DNAJC2: variants seen among roughly 807,000 people sequenced by gnomAD.
The protein encoded by DNAJC2 is DnaJ heat shock protein family (Hsp40) member C2, also known as dnaJ homolog subfamily C member 2.
Under a neutral mutation model 94.0 loss-of-function variants are expected in DNAJC2, and 32 were observed. The ratio of observed to expected loss-of-function variants is 0.34; its 90% confidence interval spans 0.26 to 0.46. The LOEUF is 0.46. Ranked by LOEUF, DNAJC2 falls within the 20% of genes least tolerant of loss-of-function variation. The probability of loss-of-function intolerance (pLI) is 1.00; values close to 1 mark genes in which losing one functional copy is unlikely to be tolerated. For synonymous variants in DNAJC2, 210 were observed against 229.7 expected (o/e 0.91, Z 0.77); for missense variants, 550 against 719.5 (o/e 0.76, Z 2.69).
rs1818443931 is a variant in DNAJC2 at position 103,321,948 on chromosome 7, A to G, written c.1067T>C (p.Leu356Pro). The G allele has an allele frequency of 6.2e-7, 1 of 1,613,160 alleles. No individual in the cohort carries two copies. Among genetic ancestry groups the G allele is most frequent in the Non-Finnish European group, 8.5e-7 (1 of 1,179,514 alleles). The part of the protein sequence containing the change: ...KKAIKKERQK[L>P]RNSCKTWNHF... ...CTGATATACCTTGCATGAGTTTCGA[A>G]GTTTTTGCCTTTCCTTCTTAATGGC... The change falls in exon 10 of 17, where the codon CTT becomes CCT. Residue 356 changes from leucine (L) to proline (P), a missense_variant. By Grantham distance (98) the Leu-to-Pro change is moderately conservative (BLOSUM62 -3). Transcript: ENST00000379263.
chr7:103,324,725 G>A (rs908307728), intron 5 of DNAJC2, 163 bp from the exon 6 acceptor site: 2 of 634,230 alleles, frequency 3.2e-6, no homozygotes, highest in Non-Finnish European at 4.7e-6. Context: ...TCAGCAGTGG[G>A]GCATGAAACA....
At chr7:103,313,360 C>T (rs1817866997) in intron 15 of DNAJC2, 1 of 1,140,360 alleles carries the variant, frequency 8.8e-7, no homozygotes, top group African/African-American at 1.6e-5. Flanking sequence ...CTGTTTATCT[C>T]TTAAAAATCA....
intron 2 of DNAJC2, among the ~76,000 whole-genome samples, chr7:103,339,745 G>C (rs60006777): frequency 0.034 from 5,172 of 152,130 alleles, 275 homozygotes; most frequent in African/African-American, 0.12. Context: ...GGGATTATAA[G>C]CATGTGCCAC....
In DNAJC2 at chr7:103,341,961, T is replaced by C. The variant is rs1209346783; in HGVS notation, c.65-7A>G. ...ACTTGACAGAGTGTAGAGGCTGTGA[T>C]TGAAAGTGTTAAGAGAGGCTTCAGT... On this transcript the variant is annotated splice_polypyrimidine_tract_variant and splice_region_variant and intron_variant, in intron 1 of 16. Transcript: ENST00000379263. 6.4e-6 allele frequency: 10 copies of C among 1,558,870 alleles called. No individual in the cohort carries two copies. The highest frequency in any genetic ancestry group is 5.5e-5 in the African/African-American group (4 of 72,678).
At chr7:103,338,340 A>C (rs1819254397) in intron 2 of DNAJC2, among the ~76,000 whole-genome samples, 1 of 146,036 alleles carries the variant, frequency 6.8e-6, no homozygotes, top group Admixed American at 6.9e-5. Flanking sequence ...TCTGTTGCCC[A>C]GGCTGGAGTG....
chr7:103,313,812 C>T lies in DNAJC2; in HGVS notation c.1637-711G>A, dbSNP rs575750019. The T allele has an allele frequency of 9.2e-5, 91 of 985,262 alleles. No homozygotes were observed. In the South Asian group the frequency reaches 1.5e-3, roughly 16 times the overall value. The allele number at this position is 985,262 out of a possible 1,614,324, so 61.0% of individuals were successfully genotyped here. The stretch of plus-strand genomic sequence containing the variant: ...TTTCTTAAGGATGTTAAGTATTACA[C>T]AGTCCACTTGTGTAGGTAAAAGTAG... On this transcript the variant is annotated intron_variant, in intron 15 of 16. Transcript: ENST00000379263.
At chr7:103,314,020 A>G (rs1817906127) in intron 15 of DNAJC2, 1 of 985,302 alleles carries the variant, frequency 1.0e-6, no homozygotes, top group South Asian at 4.7e-5. Context: ...CCAATTAAAG[A>G]AGGAAAAACA....
At chr7:103,326,813 T>G (rs1326073533) in intron 4 of DNAJC2, 129 bp from the exon 5 acceptor site, 7 of 881,292 alleles carry the variant, frequency 7.9e-6, no homozygotes, top group Middle Eastern at 3.5e-4. Context: ...GTTTGCAGGT[T>G]GGGGAGGATT....
chr7:103,327,767 T>C lies in DNAJC2; in HGVS notation c.332-13A>G. 6.3e-7 allele frequency: 1 copy of C among 1,580,436 alleles called. No individual in the cohort carries two copies. Among genetic ancestry groups the C allele is most frequent in the South Asian group, 1.1e-5 (1 of 88,760 alleles). On this transcript the variant is annotated splice_polypyrimidine_tract_variant and intron_variant, in intron 3 of 16. Coordinates refer to ENST00000379263, the MANE Select transcript of DNAJC2 (RefSeq NM_014377.3). ...ACCATTGCTTTATCTACAAAACCAG[T>C]CAGATTGAGATAATTTGTCACTTTA...
intron 3 of DNAJC2, among the ~76,000 whole-genome samples, chr7:103,328,185 G>A (rs371707410): frequency 3.3e-5 from 5 of 151,248 alleles, no homozygotes; most frequent in South Asian, 2.1e-4. Flanking sequence ...GCCTCCGAAA[G>A]TGCTGGGATT....
intron 2 of DNAJC2, among the ~76,000 whole-genome samples, chr7:103,338,265 G>T (rs370089053): frequency 3.1e-5 from 4 of 130,332 alleles, no homozygotes; most frequent in African/African-American, 1.4e-4. Context: ...GCAAGACCCT[G>T]TCTTTTTTTT....
intron 2 of DNAJC2, among the ~76,000 whole-genome samples, chr7:103,341,345 G>C (rs1819366055): frequency 6.6e-6 from 1 of 152,174 alleles, no homozygotes; most frequent in African/African-American, 2.4e-5. Context: ...ACACAACAGA[G>C]TTTGGTCTAG....
chr7:103,338,139 G>A (rs985241033), intron 2 of DNAJC2, among the ~76,000 whole-genome samples: 3 of 151,970 alleles, frequency 2.0e-5, no homozygotes, highest in East Asian at 1.9e-4. Flanking sequence ...GTGTGGTGGT[G>A]TGCACCTGTA....
Position 103,322,714 on chromosome 7 carries a change from C to A in DNAJC2, c.800G>T (p.Arg267Ile). Reference protein sequence around the residue: ...QRKKEEMNRIRTLVDNAYSCD... With the variant: ...QRKKEEMNRIITLVDNAYSCD... ...TCAATTCTACTTACCAACTAATGTT[C>A]TTATTCTGTTCATTTCTTCTTTTTT... Residue 267 changes from arginine to isoleucine, a missense_variant, in exon 8 of 17, where the codon AGA becomes ATA. Arg to Ile is a moderately conservative substitution (Grantham distance 97). Coordinates refer to ENST00000379263, the MANE Select transcript of DNAJC2 (RefSeq NM_014377.3). 1 of 1,612,348 alleles carries A rather than the reference C, an allele frequency of 6.2e-7. No individual in the cohort carries two copies. The highest frequency in any genetic ancestry group is 8.5e-7 in the Non-Finnish European group (1 of 1,179,716).
intron 2 of DNAJC2, among the ~76,000 whole-genome samples, chr7:103,338,454 G>A (rs1467775251): frequency 1.3e-5 from 2 of 151,230 alleles, no homozygotes; most frequent in East Asian, 2.0e-4. Flanking sequence ...ACACCACCAC[G>A]CCTGGCTAAT....
chr7:103,325,797 G>A (rs775819559), intron 5 of DNAJC2, among the ~76,000 whole-genome samples: 1 of 152,118 alleles, frequency 6.6e-6, no homozygotes, highest in Admixed American at 6.5e-5. Flanking sequence ...TGCTTTAATC[G>A]TAACTATAAA....
chr7:103,330,387 A>G (rs2115977477), intron 3 of DNAJC2, among the ~76,000 whole-genome samples: 1 of 152,194 alleles, frequency 6.6e-6, no homozygotes, highest in East Asian at 1.9e-4. Flanking sequence ...TCCCCGGCTC[A>G]GGTGATCCTC....
Position 103,313,029 on chromosome 7 carries a change from G to T in DNAJC2, c.1709C>A (p.Pro570Gln), listed in dbSNP as rs761601201. The change falls in exon 16 of 17, where the codon CCA becomes CAA. Residue 570 changes from proline to glutamine, a missense_variant. Physicochemically the swap from Pro to Gln is moderately conservative, Grantham distance 76. Coordinates refer to ENST00000379263, the MANE Select transcript of DNAJC2 (RefSeq NM_014377.3). ...KLLEQALKTY[P>Q]VNTPERWEKI... Reference sequence around the variant, plus strand: ...TTCCCATCTTTCAGGTGTATTTACTGGGTATGTTTTCAAAGCTTGTTCCAA... The same window carrying T: ...TTCCCATCTTTCAGGTGTATTTACTTGGTATGTTTTCAAAGCTTGTTCCAA... 5.6e-6 allele frequency: 9 copies of T among 1,613,964 alleles called. No homozygotes were observed. The Admixed American group carries it at 1.5e-4, about 27-fold the overall frequency.
Position 103,319,556 on chromosome 7 carries a change from C to A in DNAJC2, c.1242+53G>T. On this transcript the variant is annotated intron_variant, in intron 12 of 16. Coordinates refer to ENST00000379263, the MANE Select transcript of DNAJC2 (RefSeq NM_014377.3). ...TTATATATTAGGTGAAGAAACAGGT[C>A]AAAGCAGAATTAAATGCTACATATA... is the stretch of plus-strand genomic sequence containing the variant. 5 of 1,555,240 alleles carry A rather than the reference C, an allele frequency of 3.2e-6. No homozygotes were observed. In the South Asian group the frequency reaches 5.6e-5, roughly 17 times the overall value.
Sources: allele counts gnomAD v4.1 joint callset (sites outside exome capture counted in the v4.1 genomes callset), GRCh38; gene constraint gnomAD v4.1.1; transcripts MANE v1.5; gene names NCBI Gene and HGNC (gene_info 2026-07-23, HGNC 2026-07-21).